Variants in NCOA6 observed in about 807,000 individuals in gnomAD.
NCOA6 encodes NRC RAP250.
A neutral mutation model predicts 171.4 loss-of-function variants in NCOA6; 49 were observed. That is an observed-to-expected ratio of 0.29 (90% CI 0.23 to 0.36). The LOEUF (loss-of-function observed/expected upper bound fraction) is 0.36, where lower values mean the gene tolerates loss of function less well. Among genes scored for constraint, NCOA6 ranks in the 10% least tolerant of loss-of-function variants. NCOA6 has a pLI of 1.00. For synonymous variants in NCOA6, 910 were observed against 927.5 expected, an observed-to-expected ratio of 0.98 and a Z score of 0.34; for missense variants, 2,248 against 2,554.5, an observed-to-expected ratio of 0.88 and a Z score of 2.59.
chr20:34,722,121 C>A (rs1293140849), intron 14 of NCOA6, among the ~76,000 whole-genome samples: 1 of 149,636 alleles, frequency 6.7e-6, no homozygotes, highest in African/African-American at 2.5e-5. Context: ...TGGCTCATGC[C>A]TGTAATCCCA....
At chr20:34,717,324 C>T (rs1988729021) in intron 14 of NCOA6, among the ~76,000 whole-genome samples, 1 of 152,104 alleles carries the variant, frequency 6.6e-6, no homozygotes, top group African/African-American at 2.4e-5. Context: ...GTGGTGCATG[C>T]CTGTAATCCC....
At chr20:34,733,672 T>C (rs567145914) in intron 12 of NCOA6, among the ~76,000 whole-genome samples, 1 of 152,092 alleles carries the variant, frequency 6.6e-6, no homozygotes, top group Admixed American at 6.5e-5. Flanking sequence ...ATCAGATTGA[T>C]GCAGCCTTTC....
chr20:34,745,849 T>C (rs2076284845), intron 10 of NCOA6, among the ~76,000 whole-genome samples: 1 of 152,204 alleles, frequency 6.6e-6, no homozygotes, highest in African/African-American at 2.4e-5. Flanking sequence ...TATCTAGGTT[T>C]GAATGAATTA....
intron 14 of NCOA6, among the ~76,000 whole-genome samples, chr20:34,719,145 G>A (rs527588948): frequency 1.3e-5 from 2 of 152,268 alleles, no homozygotes; most frequent in South Asian, 4.1e-4. Context: ...AAAGGGATTT[G>A]TTTTTCAGCC....
intron 14 of NCOA6, among the ~76,000 whole-genome samples, chr20:34,723,314 C>T (rs1043195454): frequency 1.3e-5 from 2 of 152,176 alleles, no homozygotes; most frequent in African/African-American, 2.4e-5. Context: ...TGAGGCAGAA[C>T]TGATGACTTG....
chr20:34,825,242 C>A (rs1371586937), intron 1 of NCOA6, among the ~76,000 whole-genome samples: 2 of 151,410 alleles, frequency 1.3e-5, no homozygotes, highest in African/African-American at 2.4e-5. Context: ...CCCTCCAGCG[C>A]CCCCGCCCGC....
intron 3 of NCOA6, among the ~76,000 whole-genome samples, chr20:34,777,540 AG>A (rs1296244699): frequency 6.6e-6 from 1 of 151,164 alleles, no homozygotes; most frequent in Non-Finnish European, 1.5e-5. Context: ...GCTTGAACCC[AG>A]GAGGCGGAGG....
chr20:34,754,090 G>C (rs1047969015), intron 8 of NCOA6, among the ~76,000 whole-genome samples: 1 of 152,108 alleles, frequency 6.6e-6, no homozygotes, highest in East Asian at 1.9e-4. Context: ...GGTAGTAAAC[G>C]TGAACTGATG....
chr20:34,775,849 G>A (rs1241098327), intron 4 of NCOA6, among the ~76,000 whole-genome samples: 1 of 151,302 alleles, frequency 6.6e-6, no homozygotes. Flanking sequence ...AGTGGTATAG[G>A]TGTAGTCCCA....
Position 34,733,455 on chromosome 20 carries a change from A to C in NCOA6, c.5963-860T>G, listed in dbSNP as rs1394654454. 3.9e-5 allele frequency among the ~76,000 whole-genome samples: 6 copies of C among 152,308 alleles called. No individual in the cohort carries two copies. The East Asian group carries it at 1.2e-3, about 29-fold the overall frequency. ...GCAATGAAGTCAGAGTGCCTGGTTCAAAATTTTGACTTCAATGCTTATTAG... is the reference window on the plus strand; with the variant it reads ...GCAATGAAGTCAGAGTGCCTGGTTCCAAATTTTGACTTCAATGCTTATTAG... On this transcript the variant is annotated intron_variant, in intron 12 of 14. Transcript: ENST00000359003.
At chr20:34,802,248 CCT>C (rs2078279105) in intron 1 of NCOA6, among the ~76,000 whole-genome samples, 1 of 152,232 alleles carries the variant, frequency 6.6e-6, no homozygotes, top group Non-Finnish European at 1.5e-5. Context: ...AGGCAGATCA[CCT>C]GAGTTCAGGA....
chr20:34,811,522 T>C (rs1237338340), intron 1 of NCOA6, among the ~76,000 whole-genome samples: 4 of 152,096 alleles, frequency 2.6e-5, no homozygotes, highest in Non-Finnish European at 5.9e-5. Context: ...GAACATGAGT[T>C]ATTTTTATGA....
chr20:34,736,870 G>T, intron 11 of NCOA6, 112 bp from the exon 12 acceptor site: 1 of 885,386 alleles, frequency 1.1e-6, no homozygotes, highest in Non-Finnish European at 1.6e-6. Context: ...CTCTTAGAGG[G>T]CAGTACTCAA....
chr20:34,789,633 C>T (rs1468987803), intron 2 of NCOA6, among the ~76,000 whole-genome samples: 1 of 151,864 alleles, frequency 6.6e-6, no homozygotes, highest in Non-Finnish European at 1.5e-5. Context: ...ATTAGCTGGG[C>T]CTGGTGGTGT....
At chr20:34,724,846 T>C (rs1418226674) in intron 14 of NCOA6, among the ~76,000 whole-genome samples, 1 of 151,358 alleles carries the variant, frequency 6.6e-6, no homozygotes. Context: ...TGGAACACAA[T>C]GACGCGATCT....
intron 9 of NCOA6, among the ~76,000 whole-genome samples, chr20:34,749,032 C>G (rs1309698980): frequency 6.6e-6 from 1 of 152,050 alleles, no homozygotes; most frequent in African/African-American, 2.4e-5. Flanking sequence ...TTGTTTGGAT[C>G]CTTATTTGAA....
intron 1 of NCOA6, among the ~76,000 whole-genome samples, chr20:34,808,436 CTT>C (rs957085400): frequency 5.6e-5 from 7 of 125,450 alleles, no homozygotes; most frequent in Non-Finnish European, 6.8e-5. Flanking sequence ...CTTGTCTGTG[CTT>C]TTTTTTTTTT....
intron 11 of NCOA6, among the ~76,000 whole-genome samples, chr20:34,739,583 T>C (rs150324975): frequency 4.5e-4 from 68 of 152,306 alleles, no homozygotes; most frequent in African/African-American, 1.6e-3. Flanking sequence ...GAAATAGTCA[T>C]GAGCAAATCT....
chr20:34,727,991 C>T (rs1412870513), intron 13 of NCOA6, among the ~76,000 whole-genome samples: 10 of 152,092 alleles, frequency 6.6e-5, no homozygotes, highest in African/African-American at 2.2e-4. Flanking sequence ...TCCCAAAGTG[C>T]TGGGATTACA....
Sources: allele counts gnomAD v4.1 joint callset (sites outside exome capture counted in the v4.1 genomes callset), GRCh38; gene constraint gnomAD v4.1.1; transcripts MANE v1.5; gene names NCBI Gene and HGNC (gene_info 2026-07-23, HGNC 2026-07-21).